Variants in C17orf67 observed in about 807,000 individuals in gnomAD.
C17orf67 encodes the protein uncharacterized protein C17orf67.
A neutral mutation model predicts 11.2 loss-of-function variants in C17orf67; 12 were observed. The observed-to-expected ratio is 1.07, with a 90% CI of 0.68 to 1.73. C17orf67 has a LOEUF of 1.73. Ranked by LOEUF, C17orf67 falls within the 40% of genes most tolerant of loss-of-function variation. The pLI is 0.00. For synonymous variants in C17orf67, 59 were observed against 46.9 expected (o/e 1.26, Z -1.05); for missense variants, 115 against 113.5 (o/e 1.01, Z -0.06).
At chr17:56,793,240 A>G (rs1217920572) in intron 7 of C17orf67, among the ~76,000 whole-genome samples, 1 of 152,072 alleles carries the variant, frequency 6.6e-6, no homozygotes, top group Non-Finnish European at 1.5e-5. Context: ...AAATTATTCA[A>G]TTAGGCATTT....
intron 6 of C17orf67, among the ~76,000 whole-genome samples, chr17:56,801,879 A>G (rs950234361): frequency 6.6e-6 from 1 of 152,200 alleles, no homozygotes; most frequent in Non-Finnish European, 1.5e-5. Flanking sequence ...AGCACACTGA[A>G]GGAACCCCTG....
At chr17:56,796,379 G>A (rs1272862201) in intron 6 of C17orf67, among the ~76,000 whole-genome samples, 1 of 152,208 alleles carries the variant, frequency 6.6e-6, no homozygotes, top group South Asian at 2.1e-4. Flanking sequence ...GAATGAAGCA[G>A]TGATCCCTGC....
intron 2 of C17orf67, among the ~76,000 whole-genome samples, chr17:56,828,975 G>A (rs913236378): frequency 2.0e-5 from 3 of 152,076 alleles, no homozygotes; most frequent in Admixed American, 6.5e-5. Context: ...CCAACGCAAT[G>A]CTGATGCAGA....
rs182631940 is a variant in C17orf67, at chr17:56,811,938, G to A, written c.156+2931C>T. ...GCCTAGCCCAGTGGTTCTCAGCCTC[G>A]GCTGCAGGTTGGCATCACTGGGGCT... is the stretch of plus-strand genomic sequence containing the variant. On this transcript the variant is annotated intron_variant, in intron 6 of 7. Transcript: ENST00000397861. Among the ~76,000 whole-genome samples the A allele has an allele frequency of 1.2e-4, 19 of 152,272 alleles. 1 individual carries two copies. Among genetic ancestry groups the A allele is most frequent in the Admixed American group, 9.2e-4 (14 of 15,294 alleles).
intron 6 of C17orf67, among the ~76,000 whole-genome samples, chr17:56,798,174 T>C (rs1267037670): frequency 6.6e-6 from 1 of 152,170 alleles, no homozygotes; most frequent in Non-Finnish European, 1.5e-5. Flanking sequence ...CCTGAATCCC[T>C]TCTACCCAGC....
At chr17:56,829,474 C>T (rs1048167332) in intron 2 of C17orf67, among the ~76,000 whole-genome samples, 1 of 152,130 alleles carries the variant, frequency 6.6e-6, no homozygotes, top group Non-Finnish European at 1.5e-5. Context: ...CCACACCAGC[C>T]AGGCAGCCAA....
intron 4 of C17orf67, among the ~76,000 whole-genome samples, chr17:56,816,768 G>C (rs1905771319): frequency 6.6e-6 from 1 of 152,222 alleles, no homozygotes; most frequent in South Asian, 2.1e-4. Context: ...AAAAGTTTAA[G>C]AAGCTGAAGT....
At chr17:56,795,491 C>T (rs75709753) in intron 6 of C17orf67, among the ~76,000 whole-genome samples, 3 of 152,174 alleles carry the variant, frequency 2.0e-5, no homozygotes, top group African/African-American at 4.8e-5. Flanking sequence ...TATACCCTAG[C>T]GCAGTGGACG....
At chr17:56,831,784 G>A (rs1037845779) in intron 2 of C17orf67, among the ~76,000 whole-genome samples, 6 of 152,074 alleles carry the variant, frequency 3.9e-5, no homozygotes, top group Non-Finnish European at 8.8e-5. Context: ...ATGTACATAC[G>A]TACGACTGAT....
At chr17:56,826,395 GATCTC>G (rs1241138723) in intron 2 of C17orf67, among the ~76,000 whole-genome samples, 1 of 152,218 alleles carries the variant, frequency 6.6e-6, no homozygotes, top group Non-Finnish European at 1.5e-5. Context: ...ATGCTTTAGA[GATCTC>G]ATCTAACCTG....
In C17orf67 at chr17:56,833,796, C is replaced by G. The variant is rs1906345307; in HGVS notation, c.-1180G>C. 1 of 151,858 alleles carries G rather than the reference C, an allele frequency of 6.6e-6. No individual in the cohort carries two copies. The highest frequency in any genetic ancestry group is 2.1e-4 in the South Asian group (1 of 4,834). The allele number at this position is 151,858 out of a possible 1,614,324, so 9.4% of individuals were successfully genotyped here. ...GCGTGAGCGCGGCCCCTGGGCCCCG[C>G]GCGGCGCGGTGCTGCGAGGAGGATC... On this transcript the variant is annotated 5_prime_UTR_variant, in exon 1 of 8. Transcript: ENST00000397861.
intron 4 of C17orf67, among the ~76,000 whole-genome samples, chr17:56,822,017 G>A (rs1277663761): frequency 6.6e-6 from 1 of 152,222 alleles, no homozygotes. Context: ...TAAGAAAGGA[G>A]CCAAGTTTAT....
intron 6 of C17orf67, among the ~76,000 whole-genome samples, chr17:56,805,057 C>T (rs1422047029): frequency 6.6e-6 from 1 of 152,020 alleles, no homozygotes; most frequent in East Asian, 1.9e-4. Context: ...GTGGTGGGGA[C>T]CCAGAAGTAA....
intron 4 of C17orf67, among the ~76,000 whole-genome samples, chr17:56,821,241 T>C (rs1255045662): frequency 6.6e-6 from 1 of 152,156 alleles, no homozygotes; most frequent in Non-Finnish European, 1.5e-5. Context: ...AAGAGAATTA[T>C]AATGTGTCGA....
intron 6 of C17orf67, among the ~76,000 whole-genome samples, chr17:56,799,989 A>AAAG (rs1257201199): frequency 6.6e-6 from 1 of 151,166 alleles, no homozygotes; most frequent in Admixed American, 6.6e-5. Flanking sequence ...GTCATGAAAA[A>AAAG]AAAAAAGAAA....
In C17orf67 at chr17:56,815,773, A is replaced by T; in HGVS notation, c.38T>A (p.Leu13Ter). 1 of 1,611,324 alleles carries T rather than the reference A, an allele frequency of 6.2e-7. No homozygotes were observed. The highest frequency in any genetic ancestry group is 8.5e-7 in the Non-Finnish European group (1 of 1,178,096). ...GTGCCCACCTGAGAAGACAGTCAGT[A>T]AGGTAAGAGACAGCACGAGCACAGG... ...TLPVLVLSLT[L>*]LTVFSETSPI... Residue 13 changes from leucine (L) to a stop codon, truncating the protein, a stop_gained, in exon 5 of 8, where the codon TTA becomes TAA. Transcript: ENST00000397861. LOFTEE classifies it high-confidence loss of function.
Position 56,815,957 on chromosome 17 carries a change from G to T in C17orf67, c.-147C>A. 1 of 1,428,960 alleles carries T rather than the reference G, an allele frequency of 7.0e-7. No individual in the cohort carries two copies. The highest frequency in any genetic ancestry group is 9.4e-7 in the Non-Finnish European group (1 of 1,068,546). The allele number at this position is 1,428,960 out of a possible 1,614,324, so 88.5% of individuals were successfully genotyped here. On this transcript the variant is annotated 5_prime_UTR_variant, in exon 5 of 8. Coordinates refer to ENST00000397861, the MANE Select transcript of C17orf67 (RefSeq NM_001085430.4). ...ATGCTGAATGTATCTGACTCTGAGC[G>T]TTTTAGTAATGACCACTGAAATATT...
rs55815590 is a variant in C17orf67 at position 56,795,030 on chromosome 17, A to G, written c.*20+14T>C. The G allele has an allele frequency of 0.14, 215,733 of 1,560,478 alleles. 15,464 individuals are homozygous for G. Among genetic ancestry groups the G allele is most frequent in the South Asian group, 0.16 (14,781 of 89,800 alleles). ...TCCCTCAGACAGAGGTCCGGGAGAG[A>G]GAAGGAGACGTACCGAGGCTGGTCC... On this transcript the variant is annotated intron_variant, in intron 7 of 7. Coordinates refer to ENST00000397861, the MANE Select transcript of C17orf67 (RefSeq NM_001085430.4).
At chr17:56,801,940 A>G (rs1397032618) in intron 6 of C17orf67, among the ~76,000 whole-genome samples, 6 of 152,188 alleles carry the variant, frequency 3.9e-5, no homozygotes. Context: ...ATAGAAGCTA[A>G]GAGTCTGAGT....
Sources: allele counts gnomAD v4.1 joint callset (sites outside exome capture counted in the v4.1 genomes callset), GRCh38; gene constraint gnomAD v4.1.1; transcripts MANE v1.5; gene names NCBI Gene and HGNC (gene_info 2026-07-23, HGNC 2026-07-21).